MYH7B: variants seen among roughly 807,000 people sequenced by gnomAD.
MYH7B encodes myosin heavy chain 7B.
In MYH7B, 205 loss-of-function variants were observed where a neutral mutation model predicts 234.5. That is an observed-to-expected ratio of 0.87 (90% CI 0.78 to 0.98). MYH7B has a LOEUF of 0.98. Among genes scored for constraint, MYH7B ranks in the 50% least tolerant of loss-of-function variants. The pLI, the probability that MYH7B is intolerant of heterozygous loss-of-function variation, is 0.00. For missense variants in MYH7B, 2,652 were observed against 2,633.4 expected (o/e 1.01, Z -0.15); for synonymous variants, 1,193 against 1,105.0 (o/e 1.08, Z -1.58).
At chr20:34,991,095 G>A in exon 24 of MYH7B, 3 of 1,612,912 alleles carry the variant, frequency 1.9e-6, no homozygotes, top group Non-Finnish European at 2.5e-6. Context: ...TCCCCAACAG[G>A]TTGCTCTACA....
intron 2 of MYH7B, among the ~76,000 whole-genome samples, chr20:34,960,718 A>C (rs1317689018): frequency 6.6e-6 from 1 of 152,176 alleles, no homozygotes; most frequent in Non-Finnish European, 1.5e-5. Flanking sequence ...TTCAGAGTGG[A>C]ATTCCTCTGT....
At chr20:34,968,511 T>C (rs1050706172) in intron 2 of MYH7B, among the ~76,000 whole-genome samples, 4 of 152,340 alleles carry the variant, frequency 2.6e-5, no homozygotes, top group Non-Finnish European at 5.9e-5. Flanking sequence ...GTTGGCTTCT[T>C]CCATCCTCCA....
intron 7 of MYH7B, 86 bp downstream of exon 7, chr20:34,979,890 C>T (rs1013303567): frequency 1.0e-5 from 13 of 1,248,378 alleles, no homozygotes; most frequent in East Asian, 7.1e-5. Context: ...GGGCCCATAG[C>T]GGTGGGGCGG....
At chr20:34,998,063 C>A (rs1385070948) in intron 32 of MYH7B, among the ~76,000 whole-genome samples, 1 of 152,210 alleles carries the variant, frequency 6.6e-6, no homozygotes, top group Non-Finnish European at 1.5e-5. Context: ...ACCATCCCAA[C>A]TCTCACCCTG....
At chr20:34,977,590 G>C (rs376560665) in intron 3 of MYH7B, 42 bp from the exon 4 acceptor site, 11 of 1,559,256 alleles carry the variant, frequency 7.1e-6, no homozygotes, top group Non-Finnish European at 8.7e-6. Context: ...GCTGTGACAC[G>C]TGGAGATTGC....
intron 2 of MYH7B, among the ~76,000 whole-genome samples, chr20:34,965,625 A>G (rs1233659501): frequency 6.6e-6 from 1 of 152,236 alleles, no homozygotes; most frequent in Non-Finnish European, 1.5e-5. Flanking sequence ...TAAGTGTAAT[A>G]CACTCAGAAA....
At chr20:34,997,373 A>G (rs2082280989) in exon 32 of MYH7B, 1 of 1,524,232 alleles carries the variant, frequency 6.6e-7, no homozygotes, top group Non-Finnish European at 8.8e-7. Flanking sequence ...TGGAGGAGGC[A>G]GGCGGCGCAT....
At chr20:34,980,013 C>G in intron 7 of MYH7B, 1 of 600,788 alleles carries the variant, frequency 1.7e-6, no homozygotes, top group South Asian at 2.0e-5. Flanking sequence ...GGAGGTTGGG[C>G]CTTGGGACCT....
chr20:34,956,828 G>T (rs1327476644), intron 1 of MYH7B, among the ~76,000 whole-genome samples: 1 of 152,176 alleles, frequency 6.6e-6, no homozygotes, highest in Non-Finnish European at 1.5e-5. Flanking sequence ...GCCGAGGCAG[G>T]TGGATTACTT....
chr20:35,002,256 C>T (rs1024419164), exon 45 of MYH7B: 35 of 1,483,620 alleles, frequency 2.4e-5, no homozygotes, highest in Middle Eastern at 1.8e-4. Flanking sequence ...CCACCTGCCC[C>T]GATCCTGCCA....
intron 41 of MYH7B, 40 bp downstream of exon 41, chr20:35,001,198 G>A (rs750887644): frequency 3.7e-6 from 6 of 1,606,586 alleles, no homozygotes; most frequent in African/African-American, 1.3e-5. Flanking sequence ...AGGCAGGGTG[G>A]GTGACCCAGG....
chr20:34,998,752 C>G (rs746031641), exon 35 of MYH7B: 6 of 1,612,480 alleles, frequency 3.7e-6, no homozygotes, highest in Admixed American at 3.3e-5. Flanking sequence ...CGTGCAGGCT[C>G]TGCGGCACGA....
intron 28 of MYH7B, 120 bp from the exon 29 acceptor site, chr20:34,996,226 G>A (rs578054763): frequency 8.4e-7 from 1 of 1,191,724 alleles, no homozygotes; most frequent in South Asian, 1.4e-5. Flanking sequence ...GAGGCTCGGA[G>A]TCAAGTGACT....
At chr20:34,979,620 TC>T in intron 6 of MYH7B, 40 bp from the exon 7 acceptor site, 1 of 1,612,734 alleles carries the variant, frequency 6.2e-7, no homozygotes, top group Non-Finnish European at 8.5e-7. Context: ...GTCGGTCGGT[TC>T]CTCCCGGTCC....
chr20:34,967,537 G>A (rs1390027117), intron 2 of MYH7B, among the ~76,000 whole-genome samples: 1 of 152,050 alleles, frequency 6.6e-6, no homozygotes, highest in Non-Finnish European at 1.5e-5. Flanking sequence ...ACGATCACAA[G>A]GGTAGAGCAG....
intron 16 of MYH7B, 80 bp downstream of exon 16, chr20:34,987,367 A>G: frequency 6.4e-7 from 1 of 1,565,450 alleles, no homozygotes; most frequent in Non-Finnish European, 8.7e-7. Flanking sequence ...ACTCTTGTCC[A>G]CAACCTTTAA....
exon 26 of MYH7B, chr20:34,993,461 T>C: frequency 6.3e-7 from 1 of 1,599,910 alleles, no homozygotes; most frequent in Non-Finnish European, 8.5e-7. Context: ...CAGCGCCTGC[T>C]GGGAGGCAGG....
rs759504864 is a variant in MYH7B, at chr20:35,000,690, GTGGGGACAGGAGTCCC to G, written c.5178+11_5178+26del. Reference sequence around the variant, plus strand: ...GCGCCTCAACCTTCTGCATTCGCAGGTGGGGACAGGAGTCCCTGGGGACAGAGCAGGTGCAGGCCTG... The same window carrying G: ...GCGCCTCAACCTTCTGCATTCGCAGGTGGGGACAGAGCAGGTGCAGGCCTG... On this transcript the variant is annotated splice_donor_variant and splice_donor_5th_base_variant and intron_variant, in intron 39 of 44. Transcript: ENST00000262873. LOFTEE classifies it high-confidence loss of function. 1.3e-6 allele frequency: 2 copies of G among 1,595,858 alleles called. No homozygotes were observed. Among genetic ancestry groups the G allele is most frequent in the African/African-American group, 1.3e-5 (1 of 74,814 alleles).
At chr20:34,986,292 TTCCC>T in intron 14 of MYH7B, 94 bp downstream of exon 14, 1 of 971,080 alleles carries the variant, frequency 1.0e-6, no homozygotes, top group Non-Finnish European at 1.6e-6. Flanking sequence ...CTGGTGGTCT[TTCCC>T]TCCCTGTCCT....
Sources: gnomAD v4.1 joint callset for allele counts (sites outside exome capture counted in the v4.1 genomes callset) on GRCh38, gnomAD v4.1.1 for gene constraint, MANE v1.5 for transcripts, NCBI Gene and HGNC (gene_info 2026-07-23, HGNC 2026-07-21) for gene names.